The following ADGRG6 variants were observed in gnomAD, a reference collection of about 807,000 sequenced individuals.
ADGRG6 encodes the protein G-protein coupled receptor 126.
A neutral mutation model predicts 142.4 loss-of-function variants in ADGRG6; 84 were observed. The ratio of observed to expected loss-of-function variants is 0.59; its 90% CI spans 0.49 to 0.71. ADGRG6 has a LOEUF of 0.71. Ranked by LOEUF, ADGRG6 falls within the 30% of genes least tolerant of loss-of-function variation. The pLI, the probability that ADGRG6 is intolerant of heterozygous loss-of-function variation, is 0.00. For missense variants in ADGRG6, 1,367 were observed against 1,466.6 expected (o/e 0.93, Z 1.11); for synonymous variants, 521 against 520.5 (o/e 1.00, Z -0.01).
intron 2 of ADGRG6, 85 bp from the exon 3 acceptor site, chr6:142,367,484 T>A: frequency 1.2e-6 from 1 of 816,954 alleles, no homozygotes; most frequent in Non-Finnish European, 1.9e-6. Context: ...TACTGCTTGA[T>A]TGTCGCCAGT....
intron 2 of ADGRG6, among the ~76,000 whole-genome samples, chr6:142,338,017 G>GTTTTGTTTTTTTTTTTTT (rs1779411162): frequency 2.8e-5 from 1 of 35,392 alleles, no homozygotes; most frequent in Non-Finnish European, 4.7e-5. Context: ...TTGTATCTTT[G>GTTTTGTTTTTTTTTTTTT]TTTTTTTTTT....
intron 22 of ADGRG6, among the ~76,000 whole-genome samples, chr6:142,420,991 C>T (rs565898642): frequency 1.3e-5 from 2 of 152,210 alleles, no homozygotes; most frequent in Non-Finnish European, 2.9e-5. Context: ...AGCTATTGGT[C>T]TTGCAGTTGT....
rs1781792342 is a variant in ADGRG6 at position 142,381,987 on chromosome 6, C to T, written c.1106C>T (p.Ala369Val). The T allele has an allele frequency of 6.2e-7, 1 of 1,606,790 alleles. No homozygotes were observed. The highest frequency in any genetic ancestry group is 1.1e-5 in the South Asian group (1 of 89,826). Residue 369 changes from alanine to valine, a missense_variant, in exon 5 of 25, where the codon GCC becomes GTC. Physicochemically the swap from Ala to Val is moderately conservative, Grantham distance 64. Coordinates refer to ENST00000367609, the MANE Select transcript of ADGRG6 (RefSeq NM_198569.3). ...YLIPLPAAEL[A>V]SCADLGTLCQ... ...ATCCCGCTCCCAGCAGCAGAACTGG[C>T]CAGCTGTGCAGACCTGGGGACCCTC... is the stretch of plus-strand genomic sequence containing the variant.
intron 2 of ADGRG6, among the ~76,000 whole-genome samples, chr6:142,360,308 C>T (rs2114821309): frequency 6.6e-6 from 1 of 152,250 alleles, no homozygotes; most frequent in Admixed American, 6.5e-5. Flanking sequence ...CTCAGTAGCA[C>T]ATGTATGTGA....
At chr6:142,385,379 T>C (rs1252201063) in intron 6 of ADGRG6, among the ~76,000 whole-genome samples, 1 of 152,206 alleles carries the variant, frequency 6.6e-6, no homozygotes, top group Non-Finnish European at 1.5e-5. Flanking sequence ...CGTTTAAAAA[T>C]ATTCAGGTCA....
chr6:142,402,371 T>C (rs1304669310), intron 12 of ADGRG6, among the ~76,000 whole-genome samples: 1 of 152,168 alleles, frequency 6.6e-6, no homozygotes, highest in African/African-American at 2.4e-5. Flanking sequence ...ATTCTGGGAA[T>C]GTTTCTCTTA....
intron 24 of ADGRG6, among the ~76,000 whole-genome samples, chr6:142,439,559 C>A (rs1392780459): frequency 6.6e-6 from 1 of 152,104 alleles, no homozygotes; most frequent in South Asian, 2.1e-4. Flanking sequence ...GTGGCCACTG[C>A]CTGGGATTCA....
At chr6:142,400,305 T>G (rs1286452351) in intron 10 of ADGRG6, among the ~76,000 whole-genome samples, 180 bp from the exon 11 acceptor site, 1 of 151,890 alleles carries the variant, frequency 6.6e-6, no homozygotes, top group Non-Finnish European at 1.5e-5. Flanking sequence ...AATGTTAATG[T>G]TTTTTCTAAC....
chr6:142,382,597 A>T (rs1293525093), intron 5 of ADGRG6, among the ~76,000 whole-genome samples: 1 of 152,244 alleles, frequency 6.6e-6, no homozygotes, highest in Non-Finnish European at 1.5e-5. Context: ...TGCATGCTAA[A>T]TAATACATAA....
chr6:142,312,061 ATCCC>A (rs891377256), intron 2 of ADGRG6, among the ~76,000 whole-genome samples: 1 of 151,822 alleles, frequency 6.6e-6, no homozygotes, highest in Non-Finnish European at 1.5e-5. Context: ...ATCCTTCCCT[ATCCC>A]TCAATTCAAA....
rs750931033 is a variant in ADGRG6 at position 142,313,760 on chromosome 6, T to C, written c.103+4116T>C. 7.2e-5 allele frequency among the ~76,000 whole-genome samples: 11 copies of C among 152,272 alleles called. No homozygotes were observed. In the South Asian group the frequency reaches 1.9e-3, roughly 26 times the overall value. On this transcript the variant is annotated intron_variant, in intron 2 of 24. Transcript: ENST00000367609. ...TAGTAGTATGTGTTAATTTTTCTTA[T>C]GATCATAACATCAACAATTATTATT...
chr6:142,407,599 G>A (rs1201195788), intron 15 of ADGRG6, among the ~76,000 whole-genome samples: 4 of 152,190 alleles, frequency 2.6e-5, no homozygotes, highest in Non-Finnish European at 5.9e-5. Flanking sequence ...TTGCTTAAGT[G>A]AAATCTGCAG....
intron 2 of ADGRG6, among the ~76,000 whole-genome samples, chr6:142,312,672 T>C (rs1777826790): frequency 6.6e-6 from 1 of 152,082 alleles, no homozygotes; most frequent in Non-Finnish European, 1.5e-5. Flanking sequence ...ATCAAGAATG[T>C]GTACATTGGT....
intron 6 of ADGRG6, among the ~76,000 whole-genome samples, chr6:142,389,826 G>T (rs1042499603): frequency 2.0e-5 from 3 of 151,780 alleles, no homozygotes; most frequent in Non-Finnish European, 4.4e-5. Flanking sequence ...GCTTTTTCAA[G>T]TTAATTCCTC....
chr6:142,338,672 T>C (rs1424788058), intron 2 of ADGRG6, among the ~76,000 whole-genome samples: 1 of 152,118 alleles, frequency 6.6e-6, no homozygotes, highest in Non-Finnish European at 1.5e-5. Context: ...TGTACTGAGG[T>C]AATTGCTATT....
At chr6:142,371,442 C>G (rs1225189038) in intron 4 of ADGRG6, among the ~76,000 whole-genome samples, 1 of 148,796 alleles carries the variant, frequency 6.7e-6, no homozygotes. Context: ...GCTGGGATTA[C>G]AGGTGTGAGC....
chr6:142,334,173 A>G (rs1172995704), intron 2 of ADGRG6, among the ~76,000 whole-genome samples: 2 of 152,240 alleles, frequency 1.3e-5, no homozygotes, highest in African/African-American at 2.4e-5. Flanking sequence ...ATTAATGGAA[A>G]TACAAAGTTC....
At chr6:142,438,115 C>CTGCAGATAATGCAGA (rs1777576305) in intron 23 of ADGRG6, 97 bp from the exon 24 acceptor site, 1 of 687,026 alleles carries the variant, frequency 1.5e-6, no homozygotes, top group Non-Finnish European at 2.4e-6. Flanking sequence ...ATCAGAAAAT[C>CTGCAGATAATGCAGA]AGATGCTCCA....
At chr6:142,392,640 T>TGATCTTGGGC (rs1314811723) in intron 7 of ADGRG6, among the ~76,000 whole-genome samples, 1 of 151,980 alleles carries the variant, frequency 6.6e-6, no homozygotes, top group East Asian at 1.9e-4. Context: ...CTTACTTGGG[T>TGATCTTGGGC]GATCTTGGGC....
Sources: gnomAD v4.1 joint callset for allele counts (sites outside exome capture counted in the v4.1 genomes callset) on GRCh38, gnomAD v4.1.1 for gene constraint, MANE v1.5 for transcripts, NCBI Gene and HGNC (gene_info 2026-07-23, HGNC 2026-07-21) for gene names.